MYO1G: variants seen among roughly 807,000 people sequenced by gnomAD.
The protein encoded by MYO1G is unconventional myosin-Ig.
Under a neutral mutation model 115.3 loss-of-function variants are expected in MYO1G, and 65 were observed. The ratio of observed to expected loss-of-function variants is 0.56; its 90% CI spans 0.46 to 0.69. The LOEUF (loss-of-function observed/expected upper bound fraction) is 0.69, where lower values mean the gene tolerates loss of function less well. Ranked by LOEUF, MYO1G falls within the 30% of genes least tolerant of loss-of-function variation. The pLI, the probability that MYO1G is intolerant of heterozygous loss-of-function variation, is 0.00. For missense variants in MYO1G, 1,204 were observed against 1,393.5 expected (o/e 0.86, Z 2.16); for synonymous variants, 510 against 552.6 (o/e 0.92, Z 1.08).
In MYO1G at chr7:44,969,432, G is replaced by A; in HGVS notation, c.1555C>T (p.His519Tyr). 1.9e-6 allele frequency: 3 copies of A among 1,613,954 alleles called. No individual in the cohort carries two copies. Among genetic ancestry groups the A allele is most frequent in the Non-Finnish European group, 2.5e-6 (3 of 1,180,006 alleles). ...MEFGRDFRIK[H>Y]YAGDVTYSVE... ...CCTTACGTGACGTCCCCTGCATAGT[G>A]CTTGATCCGGAAGTCTCGGCCAAAC... Residue 519 changes from histidine to tyrosine, a missense_variant, in exon 12 of 22, where the codon CAC (histidine) becomes TAC (tyrosine). His to Tyr is a moderately conservative substitution (Grantham distance 83). Coordinates refer to ENST00000258787, the MANE Select transcript of MYO1G (RefSeq NM_033054.3). This position sits in a 1 kb window ranked among gnomAD's most constrained non-coding sequence, Gnocchi z 5.0.
chr7:44,970,931 G>C lies in MYO1G; in HGVS notation c.975C>G (p.Ser325=). The change falls in exon 8 of 22, where the codon TCC becomes TCG. Residue 325 remains serine (S), a synonymous_variant. Transcript: ENST00000258787. ...TATPRDLVLR[S]LLARTVASGG... ...CCGAGGCAACTGTGCGAGCCAGCAG[G>C]GAGCGGAGCACGAGGTCCCGGGGTG... 6.2e-7 allele frequency: 1 copy of C among 1,613,574 alleles called. No homozygotes were observed. The highest frequency in any genetic ancestry group is 8.5e-7 in the Non-Finnish European group (1 of 1,180,022).
At chr7:44,978,560 C>T (rs1458457329) in intron 1 of MYO1G, among the ~76,000 whole-genome samples, 1 of 152,214 alleles carries the variant, frequency 6.6e-6, no homozygotes, top group East Asian at 1.9e-4. Context: ...GCCCTGGCCC[C>T]GTCGGGCAGG....
intron 1 of MYO1G, among the ~76,000 whole-genome samples, chr7:44,977,308 T>C (rs1385974994): frequency 6.6e-6 from 1 of 152,208 alleles, no homozygotes; most frequent in Non-Finnish European, 1.5e-5. Flanking sequence ...GGGTCCACAG[T>C]GGTCTCCCCA....
chr7:44,970,285 C>A, intron 9 of MYO1G, 131 bp from the exon 10 acceptor site: 1 of 748,184 alleles, frequency 1.3e-6, no homozygotes, highest in South Asian at 1.7e-5. Context: ...GTGTGGCTTC[C>A]CTGTGGCTTA....
Position 44,964,498 on chromosome 7 carries a change from ATGC to A in MYO1G, c.2545_2547del (p.Ala849del). ...TTTAGTCGCTGAGCAAACAGGCTTG[ATGC>A]TGTGGGATTGTCAGTGGCCTGAGGA... is the stretch of plus-strand genomic sequence containing the variant. On this transcript the variant is annotated inframe_deletion, in exon 19 of 22. Transcript: ENST00000258787. The surrounding 1 kb of genome is among the most constrained non-coding windows in gnomAD (Gnocchi z 5.1). The A allele has an allele frequency of 6.2e-7, 1 of 1,613,882 alleles. No individual in the cohort carries two copies. The highest frequency in any genetic ancestry group is 8.5e-7 in the Non-Finnish European group (1 of 1,179,876).
Position 44,963,279 on chromosome 7 carries a change from C to G in MYO1G, c.2746-155G>C, listed in dbSNP as rs1794782031. ...CACCAGCCCCCCACCGCCCCCTCCT[C>G]CCTCTCGGGGCCCTGCTGACAGGGG... On this transcript the variant is annotated intron_variant, in intron 20 of 21. Transcript: ENST00000258787. This position sits in a 1 kb window ranked among gnomAD's most constrained non-coding sequence, Gnocchi z 4.1. The G allele has an allele frequency of 1.2e-6, 1 of 814,494 alleles. No individual in the cohort carries two copies. Among genetic ancestry groups the G allele is most frequent in the Non-Finnish European group, 1.8e-6 (1 of 557,634 alleles). The allele number at this position is 814,494 out of a possible 1,614,324, so 50.5% of individuals were successfully genotyped here. A position where few individuals can be genotyped will look rare whatever the true frequency, so the allele number is the denominator to read the frequency against.
rs1794949037 is a variant in MYO1G, at chr7:44,971,025, C to T, written c.881G>A (p.Gly294Glu). 3 of 1,612,712 alleles carry T rather than the reference C, an allele frequency of 1.9e-6. No individual in the cohort carries two copies. The highest frequency in any genetic ancestry group is 1.1e-5 in the South Asian group (1 of 91,060). The change falls in exon 8 of 22, where the codon GGG becomes GAG. Residue 294 changes from glycine (G) to glutamate (E), a missense_variant. Physicochemically the swap from Gly to Glu is moderately conservative, Grantham distance 98. Transcript: ENST00000258787. ...NIEFVETEEG[G>E]LQKEGLAVAE... ...CACTGCCAGGCCCTCCTTCTGCAGCCCACCCTCCTCCGTCTCCACAAACTC... is the reference window on the plus strand; with the variant it reads ...CACTGCCAGGCCCTCCTTCTGCAGCTCACCCTCCTCCGTCTCCACAAACTC...
intron 9 of MYO1G, 36 bp from the exon 10 acceptor site, chr7:44,970,190 C>A (rs902673607): frequency 2.1e-6 from 3 of 1,438,556 alleles, no homozygotes; most frequent in Admixed American, 3.4e-5. Context: ...GGGGAGGTCG[C>A]TGCTTGTGGA....
In MYO1G at chr7:44,969,044, A is replaced by G; in HGVS notation, c.1574+369T>C. On this transcript the variant is annotated intron_variant, in intron 12 of 21. Transcript: ENST00000258787. This position sits in a 1 kb window ranked among gnomAD's most constrained non-coding sequence, Gnocchi z 5.0. ...GTATGGTAGCGAGGCCTCACCTGGG[A>G]GCTTGTTAGAAATGCAGAATCTTGG... is the stretch of plus-strand genomic sequence containing the variant. The G allele has an allele frequency of 4.2e-6, 1 of 240,444 alleles. No homozygotes were observed. 14.9% of individuals were successfully genotyped at this position (240,444 alleles called of 1,614,324 possible).
At chr7:44,975,289 C>G in intron 4 of MYO1G, 62 bp from the exon 5 acceptor site, 1 of 1,590,088 alleles carries the variant, frequency 6.3e-7, no homozygotes, top group East Asian at 2.2e-5. Context: ...GGGACCCCAT[C>G]TGAACATTCC....
At position 44,966,610 on chromosome 7, in the gene MYO1G, T is replaced by C. The variant is rs797018950; in HGVS notation, c.1949+62A>G. 3 of 1,598,744 alleles carry C rather than the reference T, an allele frequency of 1.9e-6. No homozygotes were observed. The highest frequency in any genetic ancestry group is 2.7e-5 in the African/African-American group (2 of 74,756). On this transcript the variant is annotated intron_variant, in intron 15 of 21. Coordinates refer to ENST00000258787, the MANE Select transcript of MYO1G (RefSeq NM_033054.3). The surrounding 1 kb of genome is among the most constrained non-coding windows in gnomAD (Gnocchi z 5.0). ...GTGCTGTTTGGGGACCCTCTGCTCC[T>C]ACCCCTTGGACTCCACACAGGGACT...
At chr7:44,978,760 C>T (rs549517837) in intron 1 of MYO1G, 107 bp downstream of exon 1, 3 of 1,066,260 alleles carry the variant, frequency 2.8e-6, no homozygotes, top group Non-Finnish European at 4.3e-6. Context: ...GCCACTGCCC[C>T]CTCCCTTGGA....
intron 1 of MYO1G, among the ~76,000 whole-genome samples, chr7:44,978,370 T>G (rs1246116321): frequency 6.6e-6 from 1 of 152,174 alleles, no homozygotes; most frequent in Non-Finnish European, 1.5e-5. Context: ...GTGGGAATGT[T>G]TGGACCCTAG....
Position 44,969,121 on chromosome 7 carries a change from C to A in MYO1G, c.1574+292G>T, listed in dbSNP as rs549006865. The A allele has an allele frequency of 6.0e-5, 20 of 332,864 alleles. No individual in the cohort carries two copies. The highest frequency in any genetic ancestry group is 4.4e-4 in the South Asian group (13 of 29,548). The allele number at this position is 332,864 out of a possible 1,614,324, so 20.6% of individuals were successfully genotyped here. ...CACCCCCACATCACCAGCCTGAAGC[C>A]CCCCACCCCACAGATGCTGGTATAG... On this transcript the variant is annotated intron_variant, in intron 12 of 21. Coordinates refer to ENST00000258787, the MANE Select transcript of MYO1G (RefSeq NM_033054.3). The surrounding 1 kb of genome is among the most constrained non-coding windows in gnomAD (Gnocchi z 5.0).
Position 44,962,697 on chromosome 7 carries a change from G to A in MYO1G, c.*42C>T. On this transcript the variant is annotated 3_prime_UTR_variant, in exon 22 of 22. Coordinates refer to ENST00000258787, the MANE Select transcript of MYO1G (RefSeq NM_033054.3). The surrounding 1 kb of genome is among the most constrained non-coding windows in gnomAD (Gnocchi z 5.3). ...GAAGGTTTATTTGCAGCGCTGGCGG[G>A]GCGGACAATTGGCGGCCTCGGGGTG... The A allele has an allele frequency of 1.4e-6, 2 of 1,450,962 alleles. No homozygotes were observed. Among genetic ancestry groups the A allele is most frequent in the African/African-American group, 1.5e-5 (1 of 67,244 alleles). The allele number at this position is 1,450,962 out of a possible 1,614,324, so 89.9% of individuals were successfully genotyped here. A position where few individuals can be genotyped will look rare whatever the true frequency, so the allele number is the denominator to read the frequency against.
At chr7:44,978,794 C>T (rs1795129294) in intron 1 of MYO1G, 73 bp downstream of exon 1, 1 of 1,437,234 alleles carries the variant, frequency 7.0e-7, no homozygotes, top group Non-Finnish European at 9.8e-7. Context: ...TCCTCTTTCC[C>T]TCAGGTCTCT....
intron 12 of MYO1G, 49 bp from the exon 13 acceptor site, chr7:44,968,007 C>T: frequency 1.3e-6 from 2 of 1,539,112 alleles, no homozygotes; most frequent in Non-Finnish European, 1.8e-6. Flanking sequence ...GGCTGCCAGG[C>T]CAGAGTGCTA....
In MYO1G at chr7:44,964,211, C is replaced by T. The variant is rs924088088; in HGVS notation, c.2632-49G>A. On this transcript the variant is annotated intron_variant, in intron 19 of 21. Coordinates refer to ENST00000258787, the MANE Select transcript of MYO1G (RefSeq NM_033054.3). This position sits in a 1 kb window ranked among gnomAD's most constrained non-coding sequence, Gnocchi z 5.1. ...AGGCTGGTGCTGCCCTGTCACCCAC[C>T]AGGGCCCCAGGCTTCGGCAGTCCCT... 2.0e-6 allele frequency: 3 copies of T among 1,509,680 alleles called. No individual in the cohort carries two copies. The highest frequency in any genetic ancestry group is 2.8e-5 in the African/African-American group (2 of 72,464). 93.5% of individuals were successfully genotyped at this position (1,509,680 alleles called of 1,614,324 possible).
In MYO1G at chr7:44,970,637, A is replaced by G. The variant is rs1297967644; in HGVS notation, c.1172T>C (p.Ile391Thr). 23 of 1,613,806 alleles carry G rather than the reference A, an allele frequency of 1.4e-5. No homozygotes were observed. The highest frequency in any genetic ancestry group is 1.9e-5 in the Non-Finnish European group (23 of 1,180,016). The part of the protein sequence containing the change: ...DPRRDGKDTV[I>T]GVLDIYGFEV... ...GAAGCCATAGATGTCCAGCACGCCA[A>G]TGACTGTGTCCTTGCCATCACGCCG... is the stretch of plus-strand genomic sequence containing the variant. The change falls in exon 9 of 22, where the codon ATT becomes ACT. Residue 391 changes from isoleucine (I) to threonine (T), a missense_variant. Physicochemically the swap from Ile to Thr is moderately conservative, Grantham distance 89. Coordinates refer to ENST00000258787, the MANE Select transcript of MYO1G (RefSeq NM_033054.3).
Sources: gnomAD v4.1 joint callset for allele counts (sites outside exome capture counted in the v4.1 genomes callset) on GRCh38, gnomAD v4.1.1 for gene constraint, Gnocchi (gnomAD v3.1) non-coding constraint, MANE v1.5 for transcripts, NCBI Gene and HGNC (gene_info 2026-07-23, HGNC 2026-07-21) for gene names.